The following SSPN variants were observed in gnomAD, a reference collection of about 807,000 sequenced individuals.
The protein encoded by SSPN is sarcospan.
A neutral mutation model predicts 19.1 loss-of-function variants in SSPN; 15 were observed. That is an observed-to-expected ratio of 0.78 (90% confidence interval 0.52 to 1.21). The LOEUF is 1.21. Among genes scored for constraint, SSPN ranks in the 50% most tolerant of loss-of-function variants. The pLI is 0.00. For synonymous variants in SSPN, 147 were observed against 140.3 expected (o/e 1.05, Z -0.34); for missense variants, 291 against 314.0 (o/e 0.93, Z 0.55).
chr12:26,177,715 G>A (rs1360523152), intron 1 of SSPN, among the ~76,000 whole-genome samples: 1 of 152,088 alleles, frequency 6.6e-6, no homozygotes, highest in Non-Finnish European at 1.5e-5. Flanking sequence ...ATCAGCAGCT[G>A]GAGCTAGTCT....
intron 1 of SSPN, among the ~76,000 whole-genome samples, chr12:26,183,890 C>T (rs1025474201): frequency 1.3e-5 from 2 of 152,104 alleles, no homozygotes; most frequent in Non-Finnish European, 2.9e-5. Flanking sequence ...ACTGCACTTT[C>T]GATGGCAACA....
At chr12:26,166,265 T>TATA (rs1274705711) in intron 1 of SSPN, among the ~76,000 whole-genome samples, 5 of 152,086 alleles carry the variant, frequency 3.3e-5, no homozygotes, top group Non-Finnish European at 5.9e-5. Context: ...GAACTTAAAG[T>TATA]ATAATAATAA....
upstream of SSPN, among the ~76,000 whole-genome samples, chr12:26,194,813 C>G (rs1045545732): frequency 6.6e-6 from 1 of 152,110 alleles, no homozygotes; most frequent in African/African-American, 2.4e-5. Context: ...ATAATGAGAT[C>G]CCATCTCTAT....
chr12:26,196,758 G>T (rs1944834038), intron 1 of SSPN, among the ~76,000 whole-genome samples: 1 of 152,194 alleles, frequency 6.6e-6, no homozygotes, highest in South Asian at 2.1e-4. Flanking sequence ...GTCCTGATGG[G>T]ATCGTTTTAA....
chr12:26,153,833 T>C (rs1159729109), intron 1 of SSPN, among the ~76,000 whole-genome samples: 4 of 152,200 alleles, frequency 2.6e-5, no homozygotes, highest in African/African-American at 9.6e-5. Flanking sequence ...TTAGCTCTCA[T>C]AGTAAAGTCT....
chr12:26,201,986 G>A (rs1303240242), intron 1 of SSPN, among the ~76,000 whole-genome samples: 3 of 152,016 alleles, frequency 2.0e-5, no homozygotes, highest in Non-Finnish European at 2.9e-5. Flanking sequence ...TTGGTACTGG[G>A]ACTCCTGATA....
chr12:26,123,610 G>T lies in SSPN; in HGVS notation c.-31+1458G>T, dbSNP rs774688430. 2.6e-6 allele frequency: 4 copies of T among 1,557,322 alleles called. No individual in the cohort carries two copies. In the East Asian group the frequency reaches 6.7e-5, roughly 26 times the overall value. On this transcript the variant is annotated intron_variant, in intron 1 of 2. Transcript: ENST00000538142. ...TGCCCCGCTTCATCAGGGTAGGCTGGCCTCCCTGAACTGACTTACCATTCT... is the reference window on the plus strand; with the variant it reads ...TGCCCCGCTTCATCAGGGTAGGCTGTCCTCCCTGAACTGACTTACCATTCT...
At chr12:26,130,103 A>AC (rs1253241496) in intron 1 of SSPN, among the ~76,000 whole-genome samples, 1 of 152,188 alleles carries the variant, frequency 6.6e-6, no homozygotes, top group Non-Finnish European at 1.5e-5. Flanking sequence ...GGAGGAGATG[A>AC]CAACCCCATT....
chr12:26,219,423 T>C (rs1471969502), intron 1 of SSPN, among the ~76,000 whole-genome samples: 4 of 152,062 alleles, frequency 2.6e-5, no homozygotes, highest in East Asian at 1.9e-4. Context: ...GCAGTTATAA[T>C]AGGCCAAATA....
intron 1 of SSPN, among the ~76,000 whole-genome samples, chr12:26,147,166 A>G (rs994156365): frequency 6.6e-6 from 1 of 152,218 alleles, no homozygotes; most frequent in Non-Finnish European, 1.5e-5. Context: ...GGAAATATCC[A>G]TATCTGAGCT....
At chr12:26,230,467 CT>C (rs951327535) in intron 2 of SSPN, among the ~76,000 whole-genome samples, 7 of 152,166 alleles carry the variant, frequency 4.6e-5, no homozygotes, top group Non-Finnish European at 1.0e-4. Context: ...GTTGTCACAA[CT>C]CTTGAAAAGG....
At chr12:26,173,068 T>C (rs764393749) in intron 1 of SSPN, among the ~76,000 whole-genome samples, 2 of 152,176 alleles carry the variant, frequency 1.3e-5, no homozygotes, top group Non-Finnish European at 2.9e-5. Flanking sequence ...TTTTGTGCTG[T>C]TGATTTGATT....
At chr12:26,205,744 A>C (rs1024499149) in intron 1 of SSPN, among the ~76,000 whole-genome samples, 46 of 152,324 alleles carry the variant, frequency 3.0e-4, no homozygotes, top group African/African-American at 1.1e-3. Context: ...GTATGATCAT[A>C]AATGAGAAGG....
intron 1 of SSPN, among the ~76,000 whole-genome samples, chr12:26,186,164 T>C (rs1004289329): frequency 2.6e-5 from 4 of 151,558 alleles, no homozygotes; most frequent in Non-Finnish European, 4.4e-5. Flanking sequence ...GAGGACTTAA[T>C]CATGAGGGTA....
In SSPN at chr12:26,225,245, A is replaced by G. The variant is rs1042128913; in HGVS notation, c.366+866A>G. Among the ~76,000 whole-genome samples the G allele has an allele frequency of 9.2e-5, 6 of 65,510 alleles. No homozygotes were observed. In the South Asian group the frequency reaches 2.1e-3, roughly 23 times the overall value. 43.0% of individuals were successfully genotyped at this position (65,510 alleles called of 152,430 possible). Reference sequence around the variant, plus strand: ...AAAAGTAAGTGAATGACATTATTTGAAAGTTACTAAGGTGAAAAAAATAAG... The same window carrying G: ...AAAAGTAAGTGAATGACATTATTTGGAAGTTACTAAGGTGAAAAAAATAAG... On this transcript the variant is annotated intron_variant, in intron 2 of 2. Transcript: ENST00000242729.
chr12:26,225,980 G>GA (rs1205193953), intron 2 of SSPN, among the ~76,000 whole-genome samples: 5 of 146,342 alleles, frequency 3.4e-5, no homozygotes, highest in Admixed American at 1.4e-4. Context: ...GGGAGTAAGA[G>GA]AAAAAAAATA....
Position 26,141,626 on chromosome 12 carries a change from T to G in SSPN, c.-31+19474T>G, listed in dbSNP as rs117844396. The stretch of plus-strand genomic sequence containing the variant: ...AGGCACCACCACCACCTGGTCACTT[T>G]TTACTCTGTGCTTTATTTTCTGAAT... On this transcript the variant is annotated intron_variant, in intron 1 of 2. Transcript: ENST00000538142. 4.5e-4 allele frequency among the ~76,000 whole-genome samples: 68 copies of G among 152,324 alleles called. No homozygotes were observed. The East Asian group carries it at 0.012, about 26-fold the overall frequency.
intron 1 of SSPN, among the ~76,000 whole-genome samples, chr12:26,178,837 A>G (rs1363383832): frequency 6.6e-6 from 1 of 152,202 alleles, no homozygotes; most frequent in African/African-American, 2.4e-5. Context: ...TTAAAGATAT[A>G]TTCTCTTGAG....
chr12:26,134,420 GA>G (rs745969541), intron 1 of SSPN, among the ~76,000 whole-genome samples: 53 of 152,184 alleles, frequency 3.5e-4, no homozygotes, highest in Non-Finnish European at 6.9e-4. Context: ...TCTGCTGACT[GA>G]AAGACTCATA....
Sources: allele counts gnomAD v4.1 joint callset (sites outside exome capture counted in the v4.1 genomes callset), GRCh38; gene constraint gnomAD v4.1.1; transcripts MANE v1.5; gene names NCBI Gene and HGNC (gene_info 2026-07-23, HGNC 2026-07-21).